Variants in ANKS1B observed in about 807,000 individuals in gnomAD.
ANKS1B encodes ankyrin repeat and sterile alpha motif domain-containing protein 1B.
In ANKS1B, 36 loss-of-function variants were observed where a neutral mutation model predicts 148.3. The observed-to-expected ratio is 0.24, with a 90% CI of 0.19 to 0.32. The LOEUF is 0.32. ANKS1B is among the 10% of genes least tolerant of loss of function. ANKS1B has a pLI of 1.00. For missense variants in ANKS1B, 1,157 were observed against 1,542.6 expected, an observed-to-expected ratio of 0.75 and a Z score of 4.19; for synonymous variants, 542 against 560.8, an observed-to-expected ratio of 0.97 and a Z score of 0.47.
chr12:99,260,826 C>A (rs2075850486), intron 12 of ANKS1B, among the ~76,000 whole-genome samples: 1 of 152,120 alleles, frequency 6.6e-6, no homozygotes, highest in African/African-American at 2.4e-5. Context: ...GTAAAGATAG[C>A]AGCCAGAGAG....
At chr12:99,291,301 T>C (rs758664649) in intron 12 of ANKS1B, among the ~76,000 whole-genome samples, 4 of 152,084 alleles carry the variant, frequency 2.6e-5, no homozygotes, top group Non-Finnish European at 5.9e-5. Context: ...ATTGTTACAA[T>C]AAAATGCTCA....
intron 17 of ANKS1B, among the ~76,000 whole-genome samples, chr12:98,860,133 A>C (rs2099591391): frequency 6.6e-6 from 1 of 152,274 alleles, no homozygotes; most frequent in South Asian, 2.1e-4. Flanking sequence ...GAAATTCTGC[A>C]ATCTTAAAGA....
At chr12:99,424,486 A>G (rs918083578) in intron 11 of ANKS1B, among the ~76,000 whole-genome samples, 1 of 152,108 alleles carries the variant, frequency 6.6e-6, no homozygotes, top group African/African-American at 2.4e-5. Flanking sequence ...ATGGTGGTCA[A>G]ACCTGTGCTT....
intron 14 of ANKS1B, among the ~76,000 whole-genome samples, chr12:99,207,039 T>C (rs2082760315): frequency 6.6e-6 from 1 of 152,196 alleles, no homozygotes. Context: ...TCTGGATTTG[T>C]AGATTTCCTC....
At chr12:99,663,412 T>G (rs2098487826) in intron 8 of ANKS1B, among the ~76,000 whole-genome samples, 1 of 151,908 alleles carries the variant, frequency 6.6e-6, no homozygotes. Context: ...AAACATCTGT[T>G]CAAAATTTTC....
chr12:99,861,275 T>G (rs1376452496), intron 1 of ANKS1B, among the ~76,000 whole-genome samples: 4 of 152,236 alleles, frequency 2.6e-5, no homozygotes, highest in African/African-American at 7.2e-5. Context: ...GTCTAAAGTT[T>G]TTCTTTTAAC....
At chr12:99,356,235 G>A (rs1592977696) in intron 12 of ANKS1B, among the ~76,000 whole-genome samples, 1 of 152,290 alleles carries the variant, frequency 6.6e-6, no homozygotes, top group Non-Finnish European at 1.5e-5. Context: ...TTGTGGAATG[G>A]CAGGCACTGA....
intron 9 of ANKS1B, among the ~76,000 whole-genome samples, chr12:99,651,499 T>C (rs1381543665): frequency 6.6e-6 from 1 of 152,190 alleles, no homozygotes; most frequent in Non-Finnish European, 1.5e-5. Flanking sequence ...TCAAGGACTG[T>C]CAGCATGCTT....
chr12:99,176,752 ATC>A (rs987915237), intron 14 of ANKS1B, among the ~76,000 whole-genome samples: 2 of 151,716 alleles, frequency 1.3e-5, no homozygotes, highest in African/African-American at 2.4e-5. Flanking sequence ...CCTCCTAATT[ATC>A]TCTCTCTCGA....
intron 9 of ANKS1B, among the ~76,000 whole-genome samples, chr12:99,647,143 A>C (rs969048427): frequency 3.9e-5 from 6 of 152,142 alleles, no homozygotes; most frequent in African/African-American, 1.4e-4. Flanking sequence ...AAACACATAC[A>C]CGTGGTCTTA....
chr12:99,208,092 T>A (rs866536838), intron 14 of ANKS1B, among the ~76,000 whole-genome samples: 9 of 152,048 alleles, frequency 5.9e-5, no homozygotes, highest in Non-Finnish European at 7.4e-5. Flanking sequence ...TAGTAAAAAG[T>A]TTTTCTTTAT....
chr12:99,891,326 ATG>A (rs569405174), intron 1 of ANKS1B, among the ~76,000 whole-genome samples: 52 of 151,636 alleles, frequency 3.4e-4, no homozygotes, highest in African/African-American at 8.2e-4. Flanking sequence ...GTGTGTGTGT[ATG>A]TGTGTGTGTG....
intron 9 of ANKS1B, among the ~76,000 whole-genome samples, chr12:99,546,052 C>A (rs528947657): frequency 6.6e-6 from 1 of 151,988 alleles, no homozygotes; most frequent in Non-Finnish European, 1.5e-5. Context: ...CCTAACTCTG[C>A]CAGATGAAAT....
At chr12:99,518,834 G>A (rs1479868606) in intron 9 of ANKS1B, among the ~76,000 whole-genome samples, 1 of 151,848 alleles carries the variant, frequency 6.6e-6, no homozygotes, top group Non-Finnish European at 1.5e-5. Flanking sequence ...TATTTGAAGT[G>A]TTTCTTCCTT....
chr12:99,699,680 A>G (rs978882515), intron 8 of ANKS1B, among the ~76,000 whole-genome samples: 6 of 152,214 alleles, frequency 3.9e-5, no homozygotes, highest in African/African-American at 4.8e-5. Context: ...AGACTTGCTC[A>G]AGATTTTATA....
chr12:99,336,014 C>T (rs551135458), intron 12 of ANKS1B, among the ~76,000 whole-genome samples: 79 of 152,242 alleles, frequency 5.2e-4, no homozygotes, highest in African/African-American at 1.8e-3. Context: ...TCCACATCCT[C>T]GCTAGCATTC....
intron 1 of ANKS1B, among the ~76,000 whole-genome samples, chr12:99,888,791 T>C (rs1387965906): frequency 1.3e-5 from 2 of 152,148 alleles, no homozygotes; most frequent in African/African-American, 4.8e-5. Flanking sequence ...AAATGTATTA[T>C]TGGACAGGCT....
intron 15 of ANKS1B, among the ~76,000 whole-genome samples, chr12:99,096,116 CATTA>C (rs1376390064): frequency 6.6e-6 from 1 of 152,236 alleles, no homozygotes; most frequent in East Asian, 1.9e-4. Context: ...AATCCAAACA[CATTA>C]TAATCATAAC....
chr12:99,865,191 C>T (rs550381445), intron 1 of ANKS1B, among the ~76,000 whole-genome samples: 67 of 152,300 alleles, frequency 4.4e-4, no homozygotes, highest in African/African-American at 1.6e-3. Flanking sequence ...CAGTACCCAA[C>T]TGAAATATGT....
Sources: allele counts gnomAD v4.1 joint callset (sites outside exome capture counted in the v4.1 genomes callset), GRCh38; gene constraint gnomAD v4.1.1; transcripts MANE v1.5; gene names NCBI Gene and HGNC (gene_info 2026-07-23, HGNC 2026-07-21).